The following RPS3 variants were observed in gnomAD, a reference collection of about 807,000 sequenced individuals.
RPS3 encodes ribosomal protein S3.
Under a neutral mutation model 25.8 loss-of-function variants are expected in RPS3, and 2 were observed. The ratio of observed to expected loss-of-function variants is 0.08; its 90% CI spans 0.03 to 0.24. The LOEUF (loss-of-function observed/expected upper bound fraction) is 0.24. Ranked by LOEUF, RPS3 falls within the 10% of genes least tolerant of loss-of-function variation. The probability of loss-of-function intolerance (pLI) is 1.00; values close to 1 mark genes in which losing one functional copy is unlikely to be tolerated. For missense variants in RPS3, 107 were observed against 307.1 expected (o/e 0.35, Z 4.87); for synonymous variants, 114 against 114.2 (o/e 1.00, Z 0.01).
chr11:75,399,867 G>T, intron 1 of RPS3: 1 of 524,996 alleles, frequency 1.9e-6, no homozygotes, highest in Non-Finnish European at 3.4e-6. Flanking sequence ...AGTAAACGTG[G>T]TATTTTGAGG....
chr11:75,407,757 G>A (rs190985316), downstream of RPS3, among the ~76,000 whole-genome samples: 5 of 152,340 alleles, frequency 3.3e-5, no homozygotes, highest in East Asian at 1.9e-4. Context: ...GTGAGCCACC[G>A]TGCCTGGCCA....
At chr11:75,400,379 C>G (rs1251357055) in intron 1 of RPS3, 1 of 529,736 alleles carries the variant, frequency 1.9e-6, no homozygotes, top group Non-Finnish European at 3.7e-6. Context: ...GCATGTGGAA[C>G]TGTTTTAAAC....
intron 6 of RPS3, among the ~76,000 whole-genome samples, chr11:75,418,471 C>T (rs1186057549): frequency 6.6e-6 from 1 of 151,520 alleles, no homozygotes; most frequent in Non-Finnish European, 1.5e-5. Flanking sequence ...TGGGTGGCAG[C>T]AGTGGTGGTA....
chr11:75,417,330 G>A (rs1948407942), intron 6 of RPS3, among the ~76,000 whole-genome samples: 1 of 152,146 alleles, frequency 6.6e-6, no homozygotes, highest in Admixed American at 6.5e-5. Context: ...AGGAGTGGTG[G>A]CTCATGCCTG....
intron 6 of RPS3, chr11:75,405,090 T>C: frequency 2.5e-6 from 1 of 400,358 alleles, no homozygotes; most frequent in Non-Finnish European, 4.4e-6. Flanking sequence ...TTCCTGCTTT[T>C]ACTCGTGTAT....
At chr11:75,416,413 T>C (rs1948398814) in intron 6 of RPS3, among the ~76,000 whole-genome samples, 1 of 152,136 alleles carries the variant, frequency 6.6e-6, no homozygotes, top group Admixed American at 6.6e-5. Flanking sequence ...AATGGTGAAT[T>C]TGGCCTTTTA....
At chr11:75,402,687 G>A (rs77663476) in intron 4 of RPS3, 15,209 of 319,708 alleles carry the variant, frequency 0.048, 513 homozygotes, top group Middle Eastern at 0.076. Context: ...TGCTTTGGGA[G>A]TTAAACACAA....
chr11:75,408,974 A>G (rs998716902), downstream of RPS3, among the ~76,000 whole-genome samples: 2 of 151,624 alleles, frequency 1.3e-5, no homozygotes, highest in Non-Finnish European at 2.9e-5. Flanking sequence ...TCCACCCTCC[A>G]TAAGTTACCT....
Position 75,404,328 on chromosome 11 carries a change from G to A in RPS3, c.538+121G>A, listed in dbSNP as rs982300876. ...GCTGGGCATGTTCATATTCCTTGGT[G>A]TATCGATTGCCACGTTGATCTGTAA... On this transcript the variant is annotated intron_variant, in intron 5 of 6. Coordinates refer to ENST00000531188, the MANE Select transcript of RPS3 (RefSeq NM_001005.5). This position sits in a 1 kb window ranked among gnomAD's most constrained non-coding sequence, Gnocchi z 4.6. The A allele has an allele frequency of 1.1e-6, 1 of 927,426 alleles. No homozygotes were observed. The highest frequency in any genetic ancestry group is 1.7e-6 in the Non-Finnish European group (1 of 576,268). The allele number at this position is 927,426 out of a possible 1,614,324, so 57.4% of individuals were successfully genotyped here.
Position 75,404,878 on chromosome 11 carries a change from C to A in RPS3, c.*3+10C>A. 1 of 1,573,344 alleles carries A rather than the reference C, an allele frequency of 6.4e-7. No individual in the cohort carries two copies. The highest frequency in any genetic ancestry group is 8.7e-7 in the Non-Finnish European group (1 of 1,154,702). On this transcript the variant is annotated intron_variant, in intron 6 of 6. Coordinates refer to ENST00000531188, the MANE Select transcript of RPS3 (RefSeq NM_001005.5). This position sits in a 1 kb window ranked among gnomAD's most constrained non-coding sequence, Gnocchi z 4.6. ...CCCCACAGCATAACAGGTATGTCTG[C>A]AAGGGCAGGGGCCTCTTGGGGCATA... is the stretch of plus-strand genomic sequence containing the variant.
Position 75,405,767 on chromosome 11 carries a change from T to A in RPS3, c.*157T>A, listed in dbSNP as rs534790024. 3.2e-3 allele frequency: 1,284 copies of A among 407,528 alleles called. 7 individuals are homozygous for A. The highest frequency in any genetic ancestry group is 4.9e-3 in the Non-Finnish European group (1,015 of 205,246). 25.2% of individuals were successfully genotyped at this position (407,528 alleles called of 1,614,324 possible). A position where few individuals can be genotyped will look rare whatever the true frequency, so the allele number is the denominator to read the frequency against. On this transcript the variant is annotated 3_prime_UTR_variant, in exon 7 of 7. Coordinates refer to ENST00000531188, the MANE Select transcript of RPS3 (RefSeq NM_001005.5). ...GGAGCATTACATATCTTCTTGGTTTTAACCATACTTGTGGTATTTGCAAGG... is the reference window on the plus strand; with the variant it reads ...GGAGCATTACATATCTTCTTGGTTTAAACCATACTTGTGGTATTTGCAAGG...
intron 6 of RPS3, among the ~76,000 whole-genome samples, chr11:75,419,753 C>T (rs1005302082): frequency 6.6e-6 from 1 of 152,084 alleles, no homozygotes; most frequent in African/African-American, 2.4e-5. Context: ...CCTGCCTCAG[C>T]CTCCCCGGTA....
chr11:75,408,815 C>T (rs1221667522), downstream of RPS3, among the ~76,000 whole-genome samples: 2 of 152,278 alleles, frequency 1.3e-5, no homozygotes, highest in East Asian at 1.9e-4. Context: ...GGATTACAGG[C>T]GTGAGCCACT....
At chr11:75,408,752 G>A (rs1030277651), downstream of RPS3, among the ~76,000 whole-genome samples, 1 of 152,124 alleles carries the variant, frequency 6.6e-6, no homozygotes, top group Non-Finnish European at 1.5e-5. Flanking sequence ...CACTATGTTG[G>A]CCAGGCTGGT....
chr11:75,410,135 TC>T (rs1008178884), downstream of RPS3, among the ~76,000 whole-genome samples: 1 of 134,110 alleles, frequency 7.5e-6, no homozygotes, highest in Admixed American at 7.2e-5. Flanking sequence ...CACACCTCCC[TC>T]CCGGACGGGG....
chr11:75,410,258 C>T (rs1592029365), downstream of RPS3, among the ~76,000 whole-genome samples: 1 of 150,836 alleles, frequency 6.6e-6, no homozygotes, highest in Non-Finnish European at 1.5e-5. Flanking sequence ...CGGAGGGGCT[C>T]CTCACTTCTC....
intron 2 of RPS3, 69 bp downstream of exon 2, chr11:75,400,893 A>AT (rs1565162958): frequency 4.6e-6 from 7 of 1,515,702 alleles, no homozygotes; most frequent in Admixed American, 3.9e-5. Context: ...TTATTTATTT[A>AT]TTTTTTTGAG....
In RPS3 at chr11:75,406,811, C is replaced by A. The variant is rs1948294044; in HGVS notation, c.*1201C>A. 1 of 152,130 alleles carries A rather than the reference C, an allele frequency of 6.6e-6. No homozygotes were observed. The allele number at this position is 152,130 out of a possible 1,614,324, so 9.4% of individuals were successfully genotyped here. ...ACTTATTTTTCTTATTTTCAAAATA[C>A]TATATTTTCTTGTCACTTATTTTCT... is the stretch of plus-strand genomic sequence containing the variant. On this transcript the variant is annotated 3_prime_UTR_variant, in exon 7 of 7. Transcript: ENST00000531188.
At position 75,404,718 on chromosome 11, in the gene RPS3, T is replaced by C. The variant is rs768972119; in HGVS notation, c.585T>C (p.Thr195=). The C allele has an allele frequency of 6.2e-7, 1 of 1,613,394 alleles. No individual in the cohort carries two copies. The highest frequency in any genetic ancestry group is 8.5e-7 in the Non-Finnish European group (1 of 1,179,958). The change falls in exon 6 of 7, where the codon ACT becomes ACC. Residue 195 remains threonine (T), a synonymous_variant. Coordinates refer to ENST00000531188, the MANE Select transcript of RPS3 (RefSeq NM_001005.5). The surrounding 1 kb of genome is among the most constrained non-coding windows in gnomAD (Gnocchi z 4.6). ...AGATCATGCTGCCCTGGGACCCAAC[T>C]GGTAAGATTGGCCCTAAGAAGCCCC... ...KVKIMLPWDP[T]GKIGPKKPLP...
Sources: gnomAD v4.1 joint callset for allele counts (sites outside exome capture counted in the v4.1 genomes callset) on GRCh38, gnomAD v4.1.1 for gene constraint, Gnocchi (gnomAD v3.1) non-coding constraint, MANE v1.5 for transcripts, NCBI Gene and HGNC (gene_info 2026-07-23, HGNC 2026-07-21) for gene names.